GABRG3: variants seen among roughly 807,000 people sequenced by gnomAD.
GABRG3 encodes the protein gamma-aminobutyric acid type A receptor subunit gamma3.
A neutral mutation model predicts 48.8 loss-of-function variants in GABRG3; 25 were observed. The ratio of observed to expected loss-of-function variants is 0.51; its 90% confidence interval spans 0.37 to 0.72. The LOEUF is 0.72. Ranked by LOEUF, GABRG3 falls within the 30% of genes least tolerant of loss-of-function variation. The probability of loss-of-function intolerance (pLI) is 0.00; values close to 1 mark genes in which losing one functional copy is unlikely to be tolerated. For synonymous variants in GABRG3, 227 were observed against 217.6 expected (o/e 1.04, Z -0.38); for missense variants, 394 against 577.9 (o/e 0.68, Z 3.26).
chr15:27,481,015 G>T, intron 6 of GABRG3: 2 of 1,360,072 alleles, frequency 1.5e-6, no homozygotes, highest in Non-Finnish European at 1.9e-6. Context: ...TTTGCATAAT[G>T]TCTATAAACC....
chr15:27,400,765 TC>T (rs928951210), intron 5 of GABRG3, among the ~76,000 whole-genome samples: 15 of 152,210 alleles, frequency 9.9e-5, no homozygotes, highest in Non-Finnish European at 1.9e-4. Context: ...AAAGAGAACT[TC>T]CTATTCTAAA....
In GABRG3 at chr15:27,299,034, C is replaced by T. The variant is rs574965618; in HGVS notation, c.271-27775C>T. Among the ~76,000 whole-genome samples the T allele has an allele frequency of 1.7e-4, 26 of 152,252 alleles. No homozygotes were observed. The East Asian group carries it at 3.9e-3, about 23-fold the overall frequency. ...CATGGTGGCTCACATCTGTAATCCC[C>T]GCACTTTGAGAGGCCAAGGCAGATG... On this transcript the variant is annotated intron_variant, in intron 3 of 9. Transcript: ENST00000615808.
chr15:27,193,541 T>C (rs2140424259), intron 3 of GABRG3, among the ~76,000 whole-genome samples: 1 of 152,170 alleles, frequency 6.6e-6, no homozygotes, highest in African/African-American at 2.4e-5. Context: ...GGATATAATC[T>C]CCTGGTGCGC....
Position 27,533,701 on chromosome 15 carries a change from G to A in GABRG3, c.*820G>A, listed in dbSNP as rs1891484367. On this transcript the variant is annotated 3_prime_UTR_variant, in exon 10 of 10. Coordinates refer to ENST00000615808, the MANE Select transcript of GABRG3 (RefSeq NM_033223.5). Reference sequence around the variant, plus strand: ...CACTAGACCAACGCTCAACCCTCGAGTATGTGTCCAGCTTATGTTATATTA... The same window carrying A: ...CACTAGACCAACGCTCAACCCTCGAATATGTGTCCAGCTTATGTTATATTA... 6.6e-6 allele frequency: 1 copy of A among 152,114 alleles called. No individual in the cohort carries two copies. The highest frequency in any genetic ancestry group is 1.5e-5 in the Non-Finnish European group (1 of 68,038). The allele number at this position is 152,114 out of a possible 1,614,324, so 9.4% of individuals were successfully genotyped here.
At chr15:27,430,810 C>G (rs1042118982) in intron 5 of GABRG3, among the ~76,000 whole-genome samples, 10 of 151,634 alleles carry the variant, frequency 6.6e-5, no homozygotes, top group Non-Finnish European at 1.2e-4. Flanking sequence ...GCCAACATGC[C>G]GAAACCCCGT....
At chr15:27,479,011 G>A (rs1890029776) in intron 5 of GABRG3, among the ~76,000 whole-genome samples, 1 of 152,050 alleles carries the variant, frequency 6.6e-6, no homozygotes, top group Admixed American at 6.5e-5. Context: ...GGTGGATGTG[G>A]GCAGGAAAGG....
intron 3 of GABRG3, among the ~76,000 whole-genome samples, chr15:27,315,643 C>T (rs1015874841): frequency 6.6e-6 from 1 of 152,176 alleles, no homozygotes; most frequent in Admixed American, 6.5e-5. Context: ...TGGTGACAGA[C>T]ACAAGCAACA....
chr15:27,285,254 GGTGTGTGTGTGTGTGTGTGTGTGT>G (rs60880658), intron 3 of GABRG3, among the ~76,000 whole-genome samples: 3 of 142,464 alleles, frequency 2.1e-5, no homozygotes, highest in African/African-American at 5.1e-5. Context: ...TGAGCTTTCA[GGTGTGTGTGTGTGTGTGTGTGTGT>G]GTGTGTGTGT....
At position 27,109,607 on chromosome 15, in the gene GABRG3, C is replaced by T. The variant is rs534046286; in HGVS notation, c.270+82786C>T. Among the ~76,000 whole-genome samples, 16 of 152,264 alleles carry T rather than the reference C, an allele frequency of 1.1e-4. No individual in the cohort carries two copies. The East Asian group carries it at 2.1e-3, about 20-fold the overall frequency. On this transcript the variant is annotated intron_variant, in intron 3 of 9. Transcript: ENST00000615808. ...ATTTAAAATGGTTTTCTCAGCCGGG[C>T]GCAGTGGCTCACAGCCTATAATCCC...
At chr15:27,353,426 C>CTTTT (rs367835979) in intron 5 of GABRG3, among the ~76,000 whole-genome samples, 6 of 146,016 alleles carry the variant, frequency 4.1e-5, no homozygotes, top group African/African-American at 1.5e-4. Context: ...TTCTTTCTTT[C>CTTTT]TATTTATTTA....
chr15:27,033,330 G>A (rs1256691239), intron 3 of GABRG3, among the ~76,000 whole-genome samples: 3 of 152,014 alleles, frequency 2.0e-5, no homozygotes, highest in South Asian at 4.2e-4. Flanking sequence ...TAGCTTTCTC[G>A]CTTGCTCTTA....
intron 3 of GABRG3, among the ~76,000 whole-genome samples, chr15:27,069,470 G>A (rs542347071): frequency 2.0e-5 from 3 of 152,182 alleles, no homozygotes; most frequent in Admixed American, 6.5e-5. Context: ...CGTGTATCAG[G>A]TAACTGTACA....
chr15:27,063,722 G>A (rs977950044), intron 3 of GABRG3, among the ~76,000 whole-genome samples: 1 of 152,206 alleles, frequency 6.6e-6, no homozygotes, highest in Non-Finnish European at 1.5e-5. Flanking sequence ...TTAGGAATGA[G>A]CCAGCTCAGG....
intron 3 of GABRG3, among the ~76,000 whole-genome samples, chr15:27,229,183 T>C (rs542230067): frequency 8.6e-4 from 131 of 152,304 alleles, no homozygotes; most frequent in African/African-American, 2.9e-3. Flanking sequence ...TCTTCCAGGG[T>C]TGCTATAGTT....
rs1009482414 is a variant in GABRG3, at chr15:27,319,262, C to T, written c.271-7547C>T. 3.9e-5 allele frequency among the ~76,000 whole-genome samples: 6 copies of T among 152,148 alleles called. No homozygotes were observed. The highest frequency in any genetic ancestry group is 2.0e-4 in the Admixed American group (3 of 15,272). Reference sequence around the variant, plus strand: ...AACCAACAAGGGCTCCAGTGAGCCTCGGTCACTGCTCTCTTGATGATGTGG... The same window carrying T: ...AACCAACAAGGGCTCCAGTGAGCCTTGGTCACTGCTCTCTTGATGATGTGG... On this transcript the variant is annotated intron_variant, in intron 3 of 9. Transcript: ENST00000615808. This position sits in a 1 kb window ranked among gnomAD's most constrained non-coding sequence, Gnocchi z 4.4.
At chr15:27,091,702 C>A (rs1897188295) in intron 3 of GABRG3, among the ~76,000 whole-genome samples, 1 of 152,174 alleles carries the variant, frequency 6.6e-6, no homozygotes. Flanking sequence ...ATATGTCTTT[C>A]CAGGGAAACC....
intron 7 of GABRG3, among the ~76,000 whole-genome samples, chr15:27,525,410 G>C (rs1165631761): frequency 6.6e-6 from 1 of 152,142 alleles, no homozygotes; most frequent in Non-Finnish European, 1.5e-5. Context: ...TCCCCAAAGA[G>C]GAAGTCATGC....
At chr15:27,118,407 C>G (rs1022004460) in intron 3 of GABRG3, among the ~76,000 whole-genome samples, 2 of 152,204 alleles carry the variant, frequency 1.3e-5, no homozygotes, top group Admixed American at 6.5e-5. Context: ...TCCAGGCCCT[C>G]TGTTTTATGT....
chr15:27,003,164 TTA>T (rs927122293), intron 2 of GABRG3, among the ~76,000 whole-genome samples: 5 of 150,290 alleles, frequency 3.3e-5, no homozygotes, highest in African/African-American at 1.2e-4. Context: ...TTTTATTTTT[TTA>T]TTTTTTATTT....
Sources: gnomAD v4.1 joint callset for allele counts (sites outside exome capture counted in the v4.1 genomes callset) on GRCh38, gnomAD v4.1.1 for gene constraint, Gnocchi (gnomAD v3.1) non-coding constraint, MANE v1.5 for transcripts, NCBI Gene and HGNC (gene_info 2026-07-23, HGNC 2026-07-21) for gene names.